The following STK32A variants were observed in gnomAD, a reference collection of about 807,000 sequenced individuals.
STK32A encodes the protein serine/threonine-protein kinase 32A.
In STK32A, 41 loss-of-function variants were observed where a neutral mutation model predicts 53.2. The observed-to-expected ratio is 0.77, with a 90% CI of 0.60 to 1.00. The LOEUF is 1.00. STK32A is among the 50% of genes least tolerant of loss of function. The probability of loss-of-function intolerance (pLI) is 0.00; values close to 1 mark genes in which losing one functional copy is unlikely to be tolerated. For synonymous variants in STK32A, 166 were observed against 162.8 expected, an observed-to-expected ratio of 1.02 and a Z score of -0.15; for missense variants, 458 against 485.8, an observed-to-expected ratio of 0.94 and a Z score of 0.54.
intron 4 of STK32A, among the ~76,000 whole-genome samples, chr5:147,287,407 C>A (rs1315501318): frequency 6.6e-6 from 1 of 152,104 alleles, no homozygotes; most frequent in African/African-American, 2.4e-5. Flanking sequence ...TCAGAGAATG[C>A]TAATGGAAAA....
chr5:147,332,385 G>C (rs1754914160), intron 5 of STK32A, among the ~76,000 whole-genome samples: 1 of 151,450 alleles, frequency 6.6e-6, no homozygotes, highest in Non-Finnish European at 1.5e-5. Flanking sequence ...TGTCCAAGGT[G>C]TGTTGTTTTG....
intron 5 of STK32A, among the ~76,000 whole-genome samples, chr5:147,332,944 G>A (rs1223235914): frequency 6.6e-6 from 1 of 152,178 alleles, no homozygotes; most frequent in Admixed American, 6.5e-5. Flanking sequence ...AAGGCAAAGA[G>A]AACTGTCTGT....
intron 4 of STK32A, among the ~76,000 whole-genome samples, chr5:147,311,149 G>A (rs12652074): frequency 0.56 from 84,499 of 151,910 alleles, 23,730 homozygotes; most frequent in Middle Eastern, 0.65. Context: ...CTTTCTGTGA[G>A]GTTTTCATGA....
chr5:147,310,220 G>T (rs1463321955), intron 4 of STK32A, among the ~76,000 whole-genome samples: 1 of 152,136 alleles, frequency 6.6e-6, no homozygotes, highest in Admixed American at 6.6e-5. Flanking sequence ...AGAGGCAGTT[G>T]GTCTAGTTTG....
At chr5:147,304,898 T>G (rs1436556576) in intron 4 of STK32A, among the ~76,000 whole-genome samples, 1 of 151,976 alleles carries the variant, frequency 6.6e-6, no homozygotes, top group Non-Finnish European at 1.5e-5. Context: ...TCACTTGAGG[T>G]CAGGAGTTTG....
chr5:147,364,566 G>C (rs771171917), intron 8 of STK32A, among the ~76,000 whole-genome samples: 2 of 152,110 alleles, frequency 1.3e-5, no homozygotes, highest in Non-Finnish European at 2.9e-5. Flanking sequence ...CCACAGAATT[G>C]GTGGCTTAGG....
At chr5:147,245,159 T>C (rs1297884202) in intron 2 of STK32A, among the ~76,000 whole-genome samples, 1 of 152,200 alleles carries the variant, frequency 6.6e-6, no homozygotes, top group Non-Finnish European at 1.5e-5. Flanking sequence ...CTGAGGTTAT[T>C]GTATTTTTGT....
chr5:147,247,081 G>T (rs1753793513), intron 2 of STK32A, among the ~76,000 whole-genome samples: 1 of 152,136 alleles, frequency 6.6e-6, no homozygotes, highest in African/African-American at 2.4e-5. Context: ...CAACTACCTA[G>T]GTTGAAAAAT....
intron 5 of STK32A, chr5:147,342,393 C>G (rs1441109808): frequency 1.3e-5 from 2 of 152,430 alleles, no homozygotes; most frequent in African/African-American, 2.4e-5. Flanking sequence ...AATGAAAAAT[C>G]AGGAAGGCTT....
At chr5:147,370,222 T>C (rs536830989) in intron 8 of STK32A, among the ~76,000 whole-genome samples, 7 of 152,268 alleles carry the variant, frequency 4.6e-5, no homozygotes, top group South Asian at 4.1e-4. Flanking sequence ...GTGAAAGGGA[T>C]GGTATGGTAA....
intron 2 of STK32A, among the ~76,000 whole-genome samples, chr5:147,275,124 C>A (rs62377689): frequency 6.6e-6 from 1 of 152,098 alleles, no homozygotes; most frequent in Non-Finnish European, 1.5e-5. Context: ...TTAGGCAAAT[C>A]CTGTATGTTT....
chr5:147,288,930 A>G (rs1752472077), intron 4 of STK32A, among the ~76,000 whole-genome samples: 1 of 152,226 alleles, frequency 6.6e-6, no homozygotes, highest in African/African-American at 2.4e-5. Context: ...ATAAAGTGCT[A>G]TGGCCAGTAC....
At chr5:147,392,407 G>A (rs2152012645), downstream of STK32A, 1 of 152,324 alleles carries the variant, frequency 6.6e-6, no homozygotes, top group African/African-American at 2.4e-5. Flanking sequence ...CAAACCTGCA[G>A]TCAGAGACAA....
intron 5 of STK32A, among the ~76,000 whole-genome samples, chr5:147,326,146 T>C (rs1446226607): frequency 6.6e-6 from 1 of 152,202 alleles, no homozygotes; most frequent in Non-Finnish European, 1.5e-5. Flanking sequence ...CCAAGGAGCT[T>C]ACTAACACCC....
chr5:147,334,816 C>T (rs775106490), intron 5 of STK32A, among the ~76,000 whole-genome samples: 1 of 152,128 alleles, frequency 6.6e-6, no homozygotes, highest in African/African-American at 2.4e-5. Context: ...ATTATTCTTT[C>T]AATGTTTTCT....
chr5:147,281,928 G>A (rs1752082066), intron 4 of STK32A, among the ~76,000 whole-genome samples: 1 of 152,164 alleles, frequency 6.6e-6, no homozygotes, highest in Non-Finnish European at 1.5e-5. Context: ...AACCCTACAA[G>A]CTAGAAGGGA....
At chr5:147,238,630 A>G (rs1753426488) in intron 1 of STK32A, among the ~76,000 whole-genome samples, 1 of 152,170 alleles carries the variant, frequency 6.6e-6, no homozygotes, top group Non-Finnish European at 1.5e-5. Context: ...GTATTCAGTT[A>G]AATGTATGCA....
intron 9 of STK32A, 65 bp downstream of exon 9, chr5:147,370,835 T>G (rs570106666): frequency 9.8e-7 from 1 of 1,022,022 alleles, no homozygotes; most frequent in Non-Finnish European, 1.5e-6. Context: ...GGCTTAAGTT[T>G]AGAAGTTAGT....
chr5:147,397,907 C>G, the STK32A span: 4 of 1,243,074 alleles, frequency 3.2e-6, no homozygotes, highest in African/African-American at 4.7e-5. Context: ...CGTACCTTCT[C>G]TCCTTGAGAC....
Sources: allele counts gnomAD v4.1 joint callset (sites outside exome capture counted in the v4.1 genomes callset), GRCh38; gene constraint gnomAD v4.1.1; transcripts MANE v1.5; gene names NCBI Gene and HGNC (gene_info 2026-07-23, HGNC 2026-07-21).